The following SNED1 variants were observed in gnomAD, a reference collection of about 807,000 sequenced individuals.
SNED1 encodes the protein sushi, nidogen and EGF like domains 1.
Under a neutral mutation model 166.7 loss-of-function variants are expected in SNED1, and 81 were observed. That is an observed-to-expected ratio of 0.49 (90% CI 0.41 to 0.58). SNED1 has a LOEUF of 0.58. SNED1 is among the 20% of genes least tolerant of loss of function. The pLI is 0.00. For synonymous variants in SNED1, 762 were observed against 822.0 expected, an observed-to-expected ratio of 0.93 and a Z score of 1.25; for missense variants, 1,604 against 2,000.2, an observed-to-expected ratio of 0.80 and a Z score of 3.78.
intron 1 of SNED1, among the ~76,000 whole-genome samples, chr2:241,004,367 G>C (rs2060160374): frequency 6.6e-6 from 1 of 152,030 alleles, no homozygotes; most frequent in South Asian, 2.1e-4. Context: ...TTTAATTAGA[G>C]TGTTTTAGAC....
chr2:241,063,428 T>G (rs1575027924), intron 17 of SNED1, 159 bp from the exon 18 acceptor site: 10 of 630,646 alleles, frequency 1.6e-5, no homozygotes, highest in Non-Finnish European at 2.0e-5. Flanking sequence ...CGAGGAGGGG[T>G]GGGTTTGGGG....
intron 28 of SNED1, among the ~76,000 whole-genome samples, 200 bp downstream of exon 28, chr2:241,081,993 A>G (rs1316876895): frequency 6.6e-6 from 1 of 152,174 alleles, no homozygotes; most frequent in African/African-American, 2.4e-5. Flanking sequence ...GGTGCTGCCC[A>G]TCACGGGGGT....
intron 12 of SNED1, 78 bp downstream of exon 12, chr2:241,050,011 GTCTC>G (rs779081674): frequency 2.9e-6 from 3 of 1,045,634 alleles, no homozygotes; most frequent in Non-Finnish European, 4.5e-6. Context: ...CTTCTCTGCT[GTCTC>G]TCTCCTTGTT....
intron 29 of SNED1, among the ~76,000 whole-genome samples, chr2:241,084,262 G>A (rs183328409): frequency 0.01 from 1,552 of 150,456 alleles, 22 homozygotes; most frequent in African/African-American, 0.035. Flanking sequence ...TCAGCCCCCC[G>A]AGTAGCTGGG....
Position 241,065,216 on chromosome 2 carries a change from CG to C in SNED1, c.2714-81del. The C allele has an allele frequency of 2.1e-6, 3 of 1,451,242 alleles. No individual in the cohort carries two copies. In the South Asian group the frequency reaches 3.8e-5, roughly 18 times the overall value. The allele number at this position is 1,451,242 out of a possible 1,614,324, so 89.9% of individuals were successfully genotyped here. A position where few individuals can be genotyped will look rare whatever the true frequency, so the allele number is the denominator to read the frequency against. On this transcript the variant is annotated intron_variant, in intron 20 of 31. Transcript: ENST00000310397. ...CTGTGTCAGGCCCAAGAGCCAGACC[CG>C]GCTGAGCCGCCGACGGGAGCCAGGC...
chr2:241,034,492 G>T, intron 3 of SNED1, 76 bp from the exon 4 acceptor site: 1 of 1,360,064 alleles, frequency 7.4e-7, no homozygotes, highest in African/African-American at 1.5e-5. Context: ...CAGGAACATG[G>T]TGGGGGCAGG....
upstream of SNED1, among the ~76,000 whole-genome samples, chr2:240,997,976 C>T (rs1332415391): frequency 2.0e-5 from 3 of 152,254 alleles, no homozygotes; most frequent in African/African-American, 7.2e-5. Flanking sequence ...CCCCCACCTG[C>T]CAAGGCCGGT....
intron 31 of SNED1, chr2:241,089,222 A>G (rs1185351178): frequency 2.2e-6 from 3 of 1,385,704 alleles, no homozygotes; most frequent in East Asian, 5.0e-5. Flanking sequence ...TGCATGAAAG[A>G]TGAATCTCTG....
chr2:241,078,845 G>A (rs1029861971), intron 27 of SNED1, among the ~76,000 whole-genome samples: 1 of 151,984 alleles, frequency 6.6e-6, no homozygotes, highest in Admixed American at 6.5e-5. Flanking sequence ...CAGGCACGGT[G>A]GCTCATGCCT....
At chr2:241,085,697 A>ATTTG (rs147128440) in intron 29 of SNED1, among the ~76,000 whole-genome samples, 1 of 151,712 alleles carries the variant, frequency 6.6e-6, no homozygotes. Context: ...CTGACGCTGG[A>ATTTG]TTTGTTTGTT....
chr2:241,093,333 G>A lies in SNED1; in HGVS notation c.*1697G>A, dbSNP rs989245110. On this transcript the variant is annotated 3_prime_UTR_variant, in exon 32 of 32. Transcript: ENST00000310397. ...GTAAGCTACAGCATTACTAGCAGAT[G>A]CTAAGATCGAGTGATATCACTGGAA... 1 of 152,664 alleles carries A rather than the reference G, an allele frequency of 6.6e-6. No homozygotes were observed. Among genetic ancestry groups the A allele is most frequent in the Non-Finnish European group, 1.5e-5 (1 of 68,034 alleles). 9.5% of individuals were successfully genotyped at this position (152,664 alleles called of 1,614,324 possible).
intron 29 of SNED1, 67 bp downstream of exon 29, chr2:241,082,431 C>T (rs2063374172): frequency 1.6e-6 from 2 of 1,242,366 alleles, no homozygotes; most frequent in Non-Finnish European, 2.3e-6. Context: ...AAAGTGCTGT[C>T]TCAAAGCTAC....
At chr2:241,061,122 C>T (rs535038569) in intron 16 of SNED1, among the ~76,000 whole-genome samples, 2 of 151,912 alleles carry the variant, frequency 1.3e-5, no homozygotes, top group African/African-American at 4.8e-5. Flanking sequence ...AAACTACAAA[C>T]TGGGAGAAGA....
chr2:241,071,787 T>C lies in SNED1; in HGVS notation c.3735-9T>C. The C allele has an allele frequency of 1.4e-6, 2 of 1,413,426 alleles. No homozygotes were observed. Among genetic ancestry groups the C allele is most frequent in the Non-Finnish European group, 1.9e-6 (2 of 1,067,706 alleles). The allele number at this position is 1,413,426 out of a possible 1,614,324, so 87.6% of individuals were successfully genotyped here. A position where few individuals can be genotyped will look rare whatever the true frequency, so the allele number is the denominator to read the frequency against. ...TCGGACTGTGGTGACCCTCCCACCC[T>C]CTCTGCAGGTTCTCGGAGCTTGTGG... On this transcript the variant is annotated splice_polypyrimidine_tract_variant and intron_variant, in intron 25 of 31. Coordinates refer to ENST00000310397, the MANE Select transcript of SNED1 (RefSeq NM_001080437.3).
At chr2:241,008,122 C>T (rs552395237) in intron 1 of SNED1, among the ~76,000 whole-genome samples, 22 of 152,394 alleles carry the variant, frequency 1.4e-4, no homozygotes, top group African/African-American at 4.8e-4. Flanking sequence ...GTCCGGACCA[C>T]GTGTGTCTCC....
chr2:241,051,135 C>G lies in SNED1; in HGVS notation c.1736-609C>G, dbSNP rs2061825420. On this transcript the variant is annotated intron_variant, in intron 12 of 31. Transcript: ENST00000310397. The surrounding 1 kb of genome is among the most constrained non-coding windows in gnomAD (Gnocchi z 4.7). ...CCCGCCACTCAGAACACCCAGGGGT[C>G]CAAGGATTCGGCACTCCTCACTGGC... 6.6e-6 allele frequency: 1 copy of G among 152,394 alleles called. No individual in the cohort carries two copies. The highest frequency in any genetic ancestry group is 2.1e-4 in the South Asian group (1 of 4,838). The allele number at this position is 152,394 out of a possible 1,614,324, so 9.4% of individuals were successfully genotyped here. A position where few individuals can be genotyped will look rare whatever the true frequency, so the allele number is the denominator to read the frequency against.
At chr2:241,014,038 T>C (rs2060497762) in intron 1 of SNED1, among the ~76,000 whole-genome samples, 2 of 152,072 alleles carry the variant, frequency 1.3e-5, no homozygotes, top group East Asian at 1.9e-4. Context: ...AGATGGAGTC[T>C]CGCTGTCTTG....
intron 27 of SNED1, among the ~76,000 whole-genome samples, chr2:241,077,898 C>T (rs1053890948): frequency 6.6e-6 from 1 of 152,134 alleles, no homozygotes; most frequent in Non-Finnish European, 1.5e-5. Context: ...GGTACAGCTG[C>T]TCTGGAAAAC....
chr2:241,088,434 C>G, intron 31 of SNED1, 32 bp downstream of exon 31: 1 of 1,584,762 alleles, frequency 6.3e-7, no homozygotes, highest in Non-Finnish European at 8.7e-7. Context: ...CCCACTACCA[C>G]AGAGCTGCTG....
Sources: allele counts gnomAD v4.1 joint callset (sites outside exome capture counted in the v4.1 genomes callset), GRCh38; gene constraint gnomAD v4.1.1; non-coding constraint Gnocchi (gnomAD v3.1); transcripts MANE v1.5; gene names NCBI Gene and HGNC (gene_info 2026-07-23, HGNC 2026-07-21).